Variants in DIS3L observed in about 807,000 individuals in gnomAD.
The protein encoded by DIS3L is DIS3 like exosome 3'-5' exoribonuclease.
In DIS3L, 100 loss-of-function variants were observed where a neutral mutation model predicts 120.3. The observed-to-expected ratio is 0.83, with a 90% CI of 0.71 to 0.98. The LOEUF (loss-of-function observed/expected upper bound fraction) is 0.98, where lower values mean the gene tolerates loss of function less well. Among genes scored for constraint, DIS3L ranks in the 50% least tolerant of loss-of-function variants. The pLI, the probability that DIS3L is intolerant of heterozygous loss-of-function variation, is 0.00. For missense variants in DIS3L, 1,196 were observed against 1,314.2 expected, an observed-to-expected ratio of 0.91 and a Z score of 1.39; for synonymous variants, 426 against 470.6, an observed-to-expected ratio of 0.91 and a Z score of 1.23.
rs2092793791 is a variant in DIS3L, at chr15:66,314,178, A to C, written c.814+61A>C. ...TTTTTTATTCTGACGTTATACAATG[A>C]AGAAAGCAAAGTTGAAATTGTCATG... is the stretch of plus-strand genomic sequence containing the variant. On this transcript the variant is annotated intron_variant, in intron 6 of 16. Coordinates refer to ENST00000319212, the MANE Select transcript of DIS3L (RefSeq NM_001143688.3). 4 of 1,303,084 alleles carry C rather than the reference A, an allele frequency of 3.1e-6. No homozygotes were observed. In the Admixed American group the frequency reaches 1.4e-4, roughly 46 times the overall value. The allele number at this position is 1,303,084 out of a possible 1,614,324, so 80.7% of individuals were successfully genotyped here.
chr15:66,329,259 A>G lies in DIS3L; in HGVS notation c.2395A>G (p.Ile799Val), dbSNP rs1226093143. Residue 799 changes from isoleucine (I) to valine (V), a missense_variant, in exon 14 of 17, where the codon ATA (isoleucine) becomes GTA (valine). Coordinates refer to ENST00000319212, the MANE Select transcript of DIS3L (RefSeq NM_001143688.3). ...LDKYTHFTSP[I>V]RRYSDIVVHR... ...TAAATATACCCACTTTACTTCTCCAATAAGAAGATATTCAGATATTGTAGT... is the reference window on the plus strand; with the variant it reads ...TAAATATACCCACTTTACTTCTCCAGTAAGAAGATATTCAGATATTGTAGT... 13 of 1,610,470 alleles carry G rather than the reference A, an allele frequency of 8.1e-6. No homozygotes were observed. Among genetic ancestry groups the G allele is most frequent in the East Asian group, 4.5e-5 (2 of 44,862 alleles).
rs1358805987 is a variant in DIS3L, at chr15:66,329,064, A to G, written c.2296A>G (p.Met766Val). 2 of 1,614,254 alleles carry G rather than the reference A, an allele frequency of 1.2e-6. No individual in the cohort carries two copies. The highest frequency in any genetic ancestry group is 8.5e-7 in the Non-Finnish European group (1 of 1,180,038). Residue 766 changes from methionine to valine, a missense_variant, in exon 13 of 17, where the codon ATG becomes GTG. Met to Val is a conservative substitution (Grantham distance 21). Transcript: ENST00000319212. The stretch of plus-strand genomic sequence containing the variant: ...ACTGCGCTCCATGGCCACGCAGGCC[A>G]TGTCGAATGCTCTGTACTTCTCCAC... ...RLLRSMATQA[M>V]SNALYFSTGS...
intron 2 of DIS3L, among the ~76,000 whole-genome samples, chr15:66,298,458 C>A (rs1440842264): frequency 6.6e-6 from 1 of 152,086 alleles, no homozygotes; most frequent in African/African-American, 2.4e-5. Context: ...ATCAAAGTAA[C>A]AAAATCAGAA....
rs113534548 is a variant in DIS3L at position 66,329,101 on chromosome 15, C to T, written c.2333C>T (p.Ala778Val). ...NALYFSTGSC[A>V]EEEFHHYGLA... ...CTGTACTTCTCCACCGGATCCTGTG[C>T]GGAGGAGGAGTTCCATCATTACGGT... The change falls in exon 13 of 17, where the codon GCG becomes GTG. Residue 778 changes from alanine (A) to valine (V), a missense_variant. Coordinates refer to ENST00000319212, the MANE Select transcript of DIS3L (RefSeq NM_001143688.3). 7.4e-6 allele frequency: 12 copies of T among 1,613,082 alleles called. No individual in the cohort carries two copies. The highest frequency in any genetic ancestry group is 4.0e-5 in the African/African-American group (3 of 75,026).
intron 7 of DIS3L, among the ~76,000 whole-genome samples, chr15:66,317,001 A>G (rs992884783): frequency 1.9e-4 from 29 of 152,288 alleles, no homozygotes; most frequent in African/African-American, 7.0e-4. Flanking sequence ...AGCCGCAGTG[A>G]CAACTTGTTC....
chr15:66,293,723 G>T lies in DIS3L; in HGVS notation c.127G>T (p.Ala43Ser), dbSNP rs1321075714. Residue 43 changes from alanine (A) to serine (S), a missense_variant, in exon 1 of 17, where the codon GCC becomes TCC. By Grantham distance (99) the Ala-to-Ser change is moderately conservative. Coordinates refer to ENST00000319212, the MANE Select transcript of DIS3L (RefSeq NM_001143688.3). ...CAGCCCGCTCTGCCCGCAGCCCGCC[G>T]CCTGCAGCCACGGTCAGGGCCGGGG... ...CHSPLCPQPA[A>S]CSHDGKLLSS... 6 of 1,309,760 alleles carry T rather than the reference G, an allele frequency of 4.6e-6. No individual in the cohort carries two copies. The highest frequency in any genetic ancestry group is 6.8e-5 in the East Asian group (2 of 29,272). 81.1% of individuals were successfully genotyped at this position (1,309,760 alleles called of 1,614,324 possible).
intron 14 of DIS3L, chr15:66,330,445 T>G (rs900996432): frequency 4.1e-5 from 40 of 985,326 alleles, no homozygotes; most frequent in Non-Finnish European, 4.8e-5. Context: ...TTGCACAGCA[T>G]AGAACTAGAC....
chr15:66,326,281 G>A lies in DIS3L; in HGVS notation c.2118G>A (p.Leu706=). The A allele has an allele frequency of 6.2e-7, 1 of 1,614,136 alleles. No homozygotes were observed. The highest frequency in any genetic ancestry group is 8.5e-7 in the Non-Finnish European group (1 of 1,180,030). ...IWESFPHQAL[L]RQHPPPHQEF... ...AGAGCTTCCCTCATCAGGCCTTGCT[G>A]CGCCAGCACCCTCCTCCACACCAGG... The change falls in exon 12 of 17, where the codon CTG becomes CTA. Residue 706 remains leucine (L), a synonymous_variant. Transcript: ENST00000319212.
rs766494563 is a variant in DIS3L at position 66,320,722 on chromosome 15, C to A, written c.1316C>A (p.Ser439Ter). ...VENSISVIPF[S>*]EAQMCEMPVN... ...AACAGTATTTCAGTTATTCCTTTCT[C>A]AGAAGCTCAGGTCAGATTTTCCAGA... The change falls in exon 9 of 17, where the codon TCA becomes TAA. Residue 439 changes from serine to a stop codon, truncating the protein, a stop_gained. Coordinates refer to ENST00000319212, the MANE Select transcript of DIS3L (RefSeq NM_001143688.3). LOFTEE classifies it high-confidence loss of function. 3 of 1,613,100 alleles carry A rather than the reference C, an allele frequency of 1.9e-6. No homozygotes were observed. Among genetic ancestry groups the A allele is most frequent in the Non-Finnish European group, 2.5e-6 (3 of 1,179,720 alleles).
At position 66,333,028 on chromosome 15, in the gene DIS3L, C is replaced by A. The variant is rs373719243; in HGVS notation, c.2881C>A (p.Arg961Ser). ...VTVRISIQAS[R>S]CHSDTIRLEI... is the part of the protein sequence containing the mutation. ...GGTAAGAATATCCATACAGGCCTCA[C>A]GTTGCCATTCTGATACAATCAGACT... Residue 961 changes from arginine to serine, a missense_variant, in exon 17 of 17, where the codon CGT becomes AGT. Arg to Ser is a moderately radical substitution (Grantham distance 110). Transcript: ENST00000319212. The A allele has an allele frequency of 6.2e-7, 1 of 1,612,530 alleles. No homozygotes were observed. Among genetic ancestry groups the A allele is most frequent in the Non-Finnish European group, 8.5e-7 (1 of 1,179,556 alleles).
In DIS3L at chr15:66,302,635, C is replaced by G. The variant is rs185637377; in HGVS notation, c.294-4189C>G. ...TGTCTCGCACATTCCGCCCTGCTCT[C>G]GTCTCTTGGGCTCTTTGTCTCCACT... On this transcript the variant is annotated intron_variant, in intron 2 of 16. Transcript: ENST00000319212. Among the ~76,000 whole-genome samples the G allele has an allele frequency of 2.9e-3, 446 of 152,270 alleles. 2 individuals are homozygous for G. The highest frequency in any genetic ancestry group is 0.01 in the African/African-American group (432 of 41,552).
At chr15:66,322,583 G>A in intron 9 of DIS3L, 104 bp from the exon 10 acceptor site, 8 of 1,515,144 alleles carry the variant, frequency 5.3e-6, no homozygotes, top group Non-Finnish European at 7.1e-6. Context: ...GAAGGTAATT[G>A]AGAATGAATG....
chr15:66,306,970 T>C lies in DIS3L; in HGVS notation c.422+18T>C. ...CAGACCAGGTATGGCCCTGACTTGC[T>C]GCTGTTTTCACACTGTCGTCTTCTT... is the stretch of plus-strand genomic sequence containing the variant. On this transcript the variant is annotated intron_variant, in intron 3 of 16. Coordinates refer to ENST00000319212, the MANE Select transcript of DIS3L (RefSeq NM_001143688.3). The C allele has an allele frequency of 6.2e-7, 1 of 1,612,990 alleles. No individual in the cohort carries two copies. Among genetic ancestry groups the C allele is most frequent in the Non-Finnish European group, 8.5e-7 (1 of 1,179,078 alleles).
In DIS3L at chr15:66,311,719, T is replaced by C; in HGVS notation, c.559-5T>C. ...CGTGTTTCTCTGTGCCTTTATTAAA[T>C]ACAGAATTACCTGGACAATTTCTGG... On this transcript the variant is annotated splice_polypyrimidine_tract_variant and splice_region_variant and intron_variant, in intron 4 of 16. Transcript: ENST00000319212. The C allele has an allele frequency of 6.2e-7, 1 of 1,613,814 alleles. No homozygotes were observed. The highest frequency in any genetic ancestry group is 8.5e-7 in the Non-Finnish European group (1 of 1,179,902).
Position 66,293,712 on chromosome 15 carries a change from C to G in DIS3L, c.116C>G (p.Pro39Arg), listed in dbSNP as rs1355680257. The G allele has an allele frequency of 3.8e-6, 5 of 1,324,778 alleles. No homozygotes were observed. Among genetic ancestry groups the G allele is most frequent in the Non-Finnish European group, 3.9e-6 (4 of 1,031,906 alleles). The allele number at this position is 1,324,778 out of a possible 1,614,324, so 82.1% of individuals were successfully genotyped here. A position where few individuals can be genotyped will look rare whatever the true frequency, so the allele number is the denominator to read the frequency against. Residue 39 changes from proline (P) to arginine (R), a missense_variant, in exon 1 of 17, where the codon CCG (proline) becomes CGG (arginine). Physicochemically the swap from Pro to Arg is moderately radical, Grantham distance 103. Coordinates refer to ENST00000319212, the MANE Select transcript of DIS3L (RefSeq NM_001143688.3). Reference sequence around the variant, plus strand: ...GTGCCCTGCCACAGCCCGCTCTGCCCGCAGCCCGCCGCCTGCAGCCACGGT... The same window carrying G: ...GTGCCCTGCCACAGCCCGCTCTGCCGGCAGCCCGCCGCCTGCAGCCACGGT... ...PCVPCHSPLCPQPAACSHDGK... is the reference protein window; with the variant it reads ...PCVPCHSPLCRQPAACSHDGK...
At chr15:66,294,235 C>T (rs1261833148) in intron 1 of DIS3L, 1 of 985,480 alleles carries the variant, frequency 1.0e-6, no homozygotes, top group East Asian at 1.1e-4. Context: ...GCCACTTCAC[C>T]GTAGATTTGT....
At chr15:66,321,848 T>C (rs1310650903) in intron 9 of DIS3L, among the ~76,000 whole-genome samples, 1 of 152,032 alleles carries the variant, frequency 6.6e-6, no homozygotes. Flanking sequence ...TGGAATGTAA[T>C]CCTTAAAGTG....
chr15:66,315,731 C>T, intron 7 of DIS3L, among the ~76,000 whole-genome samples: 1 of 152,206 alleles, frequency 6.6e-6, no homozygotes, highest in East Asian at 1.9e-4. Context: ...TCATTAAAGT[C>T]AGAGTATAGT....
chr15:66,319,254 T>A (rs945422579), intron 8 of DIS3L, among the ~76,000 whole-genome samples: 1 of 152,140 alleles, frequency 6.6e-6, no homozygotes, highest in Non-Finnish European at 1.5e-5. Flanking sequence ...TTCTGTTTTT[T>A]AAAAATTCTA....
Sources: allele counts gnomAD v4.1 joint callset (sites outside exome capture counted in the v4.1 genomes callset), GRCh38; gene constraint gnomAD v4.1.1; transcripts MANE v1.5; gene names NCBI Gene and HGNC (gene_info 2026-07-23, HGNC 2026-07-21).